The following SOX6 variants were observed in gnomAD, a reference collection of about 807,000 sequenced individuals.
The protein encoded by SOX6 is transcription factor SOX-6.
Under a neutral mutation model 97.8 loss-of-function variants are expected in SOX6, and 11 were observed. The ratio of observed to expected loss-of-function variants is 0.11; its 90% confidence interval spans 0.07 to 0.19. The LOEUF is 0.19. Ranked by LOEUF, SOX6 falls within the 10% of genes least tolerant of loss-of-function variation. The pLI is 1.00. For synonymous variants in SOX6, 360 were observed against 371.4 expected (o/e 0.97, Z 0.35); for missense variants, 810 against 1,039.5 (o/e 0.78, Z 3.04).
intron 3 of SOX6, among the ~76,000 whole-genome samples, chr11:16,632,656 T>G (rs1280142947): frequency 2.6e-5 from 4 of 152,164 alleles, no homozygotes; most frequent in African/African-American, 4.8e-5. Flanking sequence ...GAGAATCGAA[T>G]AGGTGAGCAC....
chr11:16,523,598 C>A (rs1861106641), intron 4 of SOX6, among the ~76,000 whole-genome samples: 1 of 151,984 alleles, frequency 6.6e-6, no homozygotes, highest in African/African-American at 2.4e-5. Context: ...CAAACACATT[C>A]AAAAGCTAGC....
chr11:16,211,820 GT>G (rs1852241831), intron 4 of SOX6, among the ~76,000 whole-genome samples: 2 of 152,136 alleles, frequency 1.3e-5, no homozygotes, highest in Admixed American at 1.3e-4. Context: ...CACAGAGCAA[GT>G]TTAGAAGGAT....
chr11:16,214,339 T>C (rs957125847), intron 4 of SOX6, among the ~76,000 whole-genome samples: 1 of 152,222 alleles, frequency 6.6e-6, no homozygotes, highest in African/African-American at 2.4e-5. Flanking sequence ...AAGTACTATT[T>C]GTAGTGACCT....
intron 3 of SOX6, among the ~76,000 whole-genome samples, chr11:16,284,847 C>T (rs763785525): frequency 6.6e-6 from 1 of 152,096 alleles, no homozygotes; most frequent in East Asian, 1.9e-4. Flanking sequence ...GTGCCTACCA[C>T]TGTGCTCATT....
At chr11:16,455,490 T>C (rs1859795616) in intron 1 of SOX6, among the ~76,000 whole-genome samples, 3 of 152,062 alleles carry the variant, frequency 2.0e-5, no homozygotes, top group African/African-American at 7.2e-5. Flanking sequence ...AGCAAAGTGG[T>C]CATATCAACC....
chr11:16,253,413 G>C (rs1419932476), intron 3 of SOX6, among the ~76,000 whole-genome samples: 1 of 152,070 alleles, frequency 6.6e-6, no homozygotes, highest in African/African-American at 2.4e-5. Flanking sequence ...TATGAGGAAT[G>C]TTTAGAATTA....
intron 4 of SOX6, among the ~76,000 whole-genome samples, chr11:16,523,741 C>T (rs186592615): frequency 3.3e-5 from 5 of 151,894 alleles, no homozygotes; most frequent in African/African-American, 1.2e-4. Context: ...ACTAGCAAGA[C>T]TAATAAAGAA....
chr11:15,993,924 AGAGTGAAT>A (rs1195965068), intron 13 of SOX6, among the ~76,000 whole-genome samples: 2 of 152,228 alleles, frequency 1.3e-5, no homozygotes, highest in East Asian at 3.9e-4. Context: ...AAGGGATATC[AGAGTGAAT>A]GAGTGAGTGC....
intron 3 of SOX6, among the ~76,000 whole-genome samples, chr11:16,670,546 A>G (rs1847840762): frequency 6.6e-6 from 1 of 152,028 alleles, no homozygotes; most frequent in Non-Finnish European, 1.5e-5. Flanking sequence ...CTTTATTCAC[A>G]CCTCCAACAA....
chr11:16,103,308 C>T (rs1367261776), intron 7 of SOX6, among the ~76,000 whole-genome samples: 1 of 151,674 alleles, frequency 6.6e-6, no homozygotes, highest in African/African-American at 2.4e-5. Flanking sequence ...AAGTGCAAAT[C>T]AAAACCACAA....
At chr11:16,092,825 AT>A (rs1320245548) in intron 9 of SOX6, among the ~76,000 whole-genome samples, 3 of 151,510 alleles carry the variant, frequency 2.0e-5, no homozygotes, top group African/African-American at 7.3e-5. Context: ...TATAAAATGA[AT>A]AAATACACTG....
intron 6 of SOX6, among the ~76,000 whole-genome samples, chr11:16,115,658 A>C (rs1434481221): frequency 6.6e-6 from 1 of 152,208 alleles, no homozygotes; most frequent in Non-Finnish European, 1.5e-5. Flanking sequence ...GCCTAAGGTT[A>C]CAGTGTCATG....
intron 3 of SOX6, among the ~76,000 whole-genome samples, chr11:16,302,928 T>C (rs1855309772): frequency 6.6e-6 from 1 of 152,100 alleles, no homozygotes; most frequent in Admixed American, 6.6e-5. Flanking sequence ...GTACTTATGA[T>C]AATTACCTTA....
intron 4 of SOX6, among the ~76,000 whole-genome samples, chr11:16,217,585 A>C (rs1590038222): frequency 6.6e-6 from 1 of 152,124 alleles, no homozygotes; most frequent in Non-Finnish European, 1.5e-5. Context: ...TTACAATCAC[A>C]CTCCTATAAG....
chr11:16,597,223 C>T (rs570391506), intron 4 of SOX6, among the ~76,000 whole-genome samples: 1 of 152,038 alleles, frequency 6.6e-6, no homozygotes, highest in South Asian at 2.1e-4. Context: ...TTTCTCATGC[C>T]ATGGTTCTTG....
chr11:16,692,387 C>G (rs1024865144), intron 3 of SOX6, among the ~76,000 whole-genome samples: 3 of 152,072 alleles, frequency 2.0e-5, no homozygotes, highest in Non-Finnish European at 4.4e-5. Flanking sequence ...CCACAGCTAA[C>G]AAATTTAGAA....
chr11:16,626,540 A>G (rs528822139), intron 3 of SOX6, among the ~76,000 whole-genome samples: 1 of 152,198 alleles, frequency 6.6e-6, no homozygotes, highest in Non-Finnish European at 1.5e-5. Flanking sequence ...TCAATTACAT[A>G]TAAATTTTAG....
At chr11:16,545,957 A>G (rs1164732347) in intron 4 of SOX6, among the ~76,000 whole-genome samples, 1 of 152,124 alleles carries the variant, frequency 6.6e-6, no homozygotes, top group East Asian at 1.9e-4. Flanking sequence ...GTCTATTTAA[A>G]TAAATAAATA....
intron 3 of SOX6, among the ~76,000 whole-genome samples, chr11:16,650,546 C>T (rs1209364191): frequency 2.1e-5 from 1 of 47,362 alleles, no homozygotes; most frequent in East Asian, 6.6e-4. Flanking sequence ...ACAATGAAAT[C>T]AAAATACCAA....
Sources: gnomAD v4.1 joint callset for allele counts (sites outside exome capture counted in the v4.1 genomes callset) on GRCh38, gnomAD v4.1.1 for gene constraint, MANE v1.5 for transcripts, NCBI Gene and HGNC (gene_info 2026-07-23, HGNC 2026-07-21) for gene names.